Variants in ASDURF observed in about 807,000 individuals in gnomAD.
ASDURF encodes ASNSD1 upstream open reading frame.
A neutral mutation model predicts 3.3 loss-of-function variants in ASDURF; 3 were observed. The observed-to-expected ratio is 0.92, with a 90% CI of 0.42 to 2.37. ASDURF has a LOEUF of 2.37. ASDURF is among the 30% of genes most tolerant of loss of function. The pLI is 0.05. For missense variants in ASDURF, 23 were observed against 25.4 expected (o/e 0.90, Z 0.21); for synonymous variants, 11 against 8.3 (o/e 1.32, Z -0.55).
rs1034735430 is a variant in ASDURF, at chr2:189,666,226, C to A, written c.*115C>A. The A allele has an allele frequency of 1.3e-5, 21 of 1,613,940 alleles. No homozygotes were observed. Among genetic ancestry groups the A allele is most frequent in the Non-Finnish European group, 1.7e-5 (20 of 1,179,932 alleles). ...ACTATATAATCTTAAACAGCGGGGA[C>A]CCAATAGTAGTAAACAATTGTTAAA... is the stretch of plus-strand genomic sequence containing the variant. On this transcript the variant is annotated 3_prime_UTR_variant, in exon 4 of 4. Transcript: ENST00000607829.
rs1420155076 is a variant in ASDURF at position 189,661,496 on chromosome 2, C to A, written c.-25C>A. On this transcript the variant is annotated 5_prime_UTR_variant, in exon 1 of 4. Coordinates refer to ENST00000607829, the MANE Select transcript of ASDURF (RefSeq NM_001353493.2). ...GTAGGCTCCTTCAGGGCTGAGCCAT[C>A]CCGCGTGTCTTGCGCTCGGTGGAAA... 3.0e-5 allele frequency: 12 copies of A among 399,276 alleles called. No homozygotes were observed. Among genetic ancestry groups the A allele is most frequent in the Admixed American group, 2.2e-4 (5 of 22,736 alleles). 24.7% of individuals were successfully genotyped at this position (399,276 alleles called of 1,614,324 possible).
intron 1 of ASDURF, among the ~76,000 whole-genome samples, chr2:189,662,494 C>T (rs1417223959): frequency 6.6e-6 from 1 of 152,142 alleles, no homozygotes; most frequent in African/African-American, 2.4e-5. Flanking sequence ...ACAAATTTGG[C>T]CTTGGAATTC....
At chr2:189,663,481 G>A (rs1466618920) in intron 1 of ASDURF, among the ~76,000 whole-genome samples, 1 of 152,154 alleles carries the variant, frequency 6.6e-6, no homozygotes, top group Admixed American at 6.5e-5. Context: ...TCGAACTCCC[G>A]ACTTCAGGTG....
At chr2:189,662,948 C>CAA (rs67898532) in intron 1 of ASDURF, among the ~76,000 whole-genome samples, 52 of 76,924 alleles carry the variant, frequency 6.8e-4, no homozygotes, top group African/African-American at 2.3e-3. Flanking sequence ...GACCCTGTTT[C>CAA]AAAAAAAAAA....
chr2:189,661,697 G>A (rs2032668518), intron 1 of ASDURF, 87 bp downstream of exon 1: 1 of 398,884 alleles, frequency 2.5e-6, no homozygotes, highest in Non-Finnish European at 4.4e-6. Context: ...GGCAGCGTGG[G>A]GCCTGCCTGG....
Position 189,666,197 on chromosome 2 carries a change from A to G in ASDURF, c.*86A>G. On this transcript the variant is annotated 3_prime_UTR_variant, in exon 4 of 4. Coordinates refer to ENST00000607829, the MANE Select transcript of ASDURF (RefSeq NM_001353493.2). Reference sequence around the variant, plus strand: ...CATTTCAGTCAAGATTTAAAAGAGGACTTACTATATAATCTTAAACAGCGG... The same window carrying G: ...CATTTCAGTCAAGATTTAAAAGAGGGCTTACTATATAATCTTAAACAGCGG... The G allele has an allele frequency of 6.2e-7, 1 of 1,610,568 alleles. No individual in the cohort carries two copies. Among genetic ancestry groups the G allele is most frequent in the Admixed American group, 1.7e-5 (1 of 59,256 alleles).
At position 189,666,146 on chromosome 2, in the gene ASDURF, G is replaced by C. The variant is rs546441433; in HGVS notation, c.*35G>C. The C allele has an allele frequency of 6.4e-7, 1 of 1,570,110 alleles. No individual in the cohort carries two copies. The highest frequency in any genetic ancestry group is 1.2e-5 in the South Asian group (1 of 83,210). ...TTTCACATAACAATGTGTGGCATTTGTTGTTCTGTAAACTTTTCTGCTGAG... is the reference window on the plus strand; with the variant it reads ...TTTCACATAACAATGTGTGGCATTTCTTGTTCTGTAAACTTTTCTGCTGAG... On this transcript the variant is annotated 3_prime_UTR_variant, in exon 4 of 4. Transcript: ENST00000607829.
At chr2:189,663,226 A>C (rs527929319) in intron 1 of ASDURF, among the ~76,000 whole-genome samples, 1 of 150,212 alleles carries the variant, frequency 6.7e-6, no homozygotes, top group African/African-American at 2.5e-5. Flanking sequence ...TTTGGTGTAT[A>C]TCATATATAT....
rs545124402 is a variant in ASDURF at position 189,663,732 on chromosome 2, CAG to C, written c.91-165_91-164del. ...GCTTTTCCTGAACTGTACCCCCACA[CAG>C]AGACTCCTGTTGAAAATGATCTGTA... is the stretch of plus-strand genomic sequence containing the variant. On this transcript the variant is annotated intron_variant, in intron 1 of 3. Transcript: ENST00000607829. Among the ~76,000 whole-genome samples the C allele has an allele frequency of 1.1e-3, 168 of 152,308 alleles. 3 individuals are homozygous for C. The highest frequency in any genetic ancestry group is 3.4e-3 in the African/African-American group (142 of 41,574).
At chr2:189,664,833 A>G (rs199692393) in intron 2 of ASDURF, among the ~76,000 whole-genome samples, 1 of 151,830 alleles carries the variant, frequency 6.6e-6, no homozygotes, top group East Asian at 1.9e-4. Flanking sequence ...ATTCAAAACT[A>G]TAACACTTTG....
chr2:189,665,636 ATAT>A (rs2032783117), intron 3 of ASDURF, among the ~76,000 whole-genome samples, 185 bp downstream of exon 3: 1 of 110,418 alleles, frequency 9.1e-6, no homozygotes, highest in African/African-American at 3.2e-5. Context: ...ATATATATAT[ATAT>A]ATATATATTA....
In ASDURF at chr2:189,665,610, A is replaced by ATATATACATATATATATATG. The variant is rs1559034419; in HGVS notation, c.220+165_220+166insCATATATATATATGTATATA. Among the ~76,000 whole-genome samples, 37 of 20,258 alleles carry ATATATACATATATATATATG rather than the reference A, an allele frequency of 1.8e-3. 1 individual carries two copies. Among genetic ancestry groups the ATATATACATATATATATATG allele is most frequent in the African/African-American group, 3.0e-3 (35 of 11,692 alleles). 13.3% of individuals were successfully genotyped at this position (20,258 alleles called of 152,430 possible). A position where few individuals can be genotyped will look rare whatever the true frequency, so the allele number is the denominator to read the frequency against. Reference sequence around the variant, plus strand: ...TATATATATATGTGTATATATATATATATATATATATATATATATATATAT... The same window carrying ATATATACATATATATATATG: ...TATATATATATGTGTATATATATATATATATACATATATATATATGTATATATATATATATATATATATAT... On this transcript the variant is annotated intron_variant, in intron 3 of 3. Transcript: ENST00000607829.
At chr2:189,661,805 A>T (rs1559033130) in intron 1 of ASDURF, among the ~76,000 whole-genome samples, 195 bp downstream of exon 1, 1 of 152,154 alleles carries the variant, frequency 6.6e-6, no homozygotes, top group Non-Finnish European at 1.5e-5. Context: ...GAAAAGGGAG[A>T]TCTTGAAATT....
intron 2 of ASDURF, among the ~76,000 whole-genome samples, chr2:189,664,810 A>G (rs952341918): frequency 1.7e-5 from 2 of 116,904 alleles, no homozygotes; most frequent in Admixed American, 2.0e-4. Flanking sequence ...CAAATTGGCA[A>G]AAAGTCTCAA....
At chr2:189,662,904 G>A (rs1412944101) in intron 1 of ASDURF, among the ~76,000 whole-genome samples, 7 of 136,638 alleles carry the variant, frequency 5.1e-5, no homozygotes, top group African/African-American at 2.0e-4. Flanking sequence ...AGCCGTGATC[G>A]CACCACTGCA....
At chr2:189,662,256 TAAAC>T (rs898583905) in intron 1 of ASDURF, among the ~76,000 whole-genome samples, 4 of 152,162 alleles carry the variant, frequency 2.6e-5, no homozygotes, top group Non-Finnish European at 5.9e-5. Flanking sequence ...TTAACTGCCA[TAAAC>T]AAACAACCTT....
chr2:189,661,486 G>A lies in ASDURF; in HGVS notation c.-35G>A, dbSNP rs2032660731. The A allele has an allele frequency of 5.0e-6, 2 of 399,130 alleles. No homozygotes were observed. The highest frequency in any genetic ancestry group is 1.3e-4 in the South Asian group (1 of 7,868). 24.7% of individuals were successfully genotyped at this position (399,130 alleles called of 1,614,324 possible). A position where few individuals can be genotyped will look rare whatever the true frequency, so the allele number is the denominator to read the frequency against. On this transcript the variant is annotated 5_prime_UTR_variant, in exon 1 of 4. Transcript: ENST00000607829. The stretch of plus-strand genomic sequence containing the variant: ...GGCTAATGCCGTAGGCTCCTTCAGG[G>A]CTGAGCCATCCCGCGTGTCTTGCGC...
chr2:189,665,708 A>ATTAG (rs1236736023), intron 3 of ASDURF, among the ~76,000 whole-genome samples: 6 of 148,058 alleles, frequency 4.1e-5, no homozygotes, highest in Middle Eastern at 3.3e-3. Flanking sequence ...AACAGGTCTA[A>ATTAG]GTATGACAAA....
chr2:189,662,948 CAAAAAAAAAAAAA>C (rs67898532), intron 1 of ASDURF, among the ~76,000 whole-genome samples: 1 of 77,004 alleles, frequency 1.3e-5, no homozygotes, highest in Non-Finnish European at 2.5e-5. Flanking sequence ...GACCCTGTTT[CAAAAAAAAAAAAA>C]AAAAAAAAGC....
Sources: gnomAD v4.1 joint callset for allele counts (sites outside exome capture counted in the v4.1 genomes callset) on GRCh38, gnomAD v4.1.1 for gene constraint, MANE v1.5 for transcripts, NCBI Gene and HGNC (gene_info 2026-07-23, HGNC 2026-07-21) for gene names.